The following STAU1 variants were observed in gnomAD, a reference collection of about 807,000 sequenced individuals.
The protein encoded by STAU1 is staufen double-stranded RNA binding protein 1.
Under a neutral mutation model 62.9 loss-of-function variants are expected in STAU1, and 13 were observed. That is an observed-to-expected ratio of 0.21 (90% CI 0.13 to 0.33). The LOEUF is 0.33. STAU1 is among the 10% of genes least tolerant of loss of function. The probability of loss-of-function intolerance (pLI) is 1.00; values close to 1 mark genes in which losing one functional copy is unlikely to be tolerated. For missense variants in STAU1, 571 were observed against 712.1 expected (o/e 0.80, Z 2.25); for synonymous variants, 269 against 265.1 (o/e 1.01, Z -0.14).
chr20:49,211,846 C>T, the STAU1 span, among the ~76,000 whole-genome samples: 14 of 152,120 alleles, frequency 9.2e-5, no homozygotes, highest in African/African-American at 3.1e-4. Flanking sequence ...ATGGCATGTG[C>T]CAGAGTACCT....
chr20:49,211,170 A>C, the STAU1 span, among the ~76,000 whole-genome samples: 7 of 152,202 alleles, frequency 4.6e-5, 1 homozygote, highest in Non-Finnish European at 1.0e-4. Context: ...TTTATAACTG[A>C]ATAATATGCC....
the STAU1 span, among the ~76,000 whole-genome samples, chr20:49,214,149 T>G: frequency 6.6e-6 from 1 of 151,950 alleles, no homozygotes; most frequent in Non-Finnish European, 1.5e-5. Context: ...GAGGCAGAGG[T>G]TGCAATGAGC....
At chr20:49,159,812 T>C (rs1338197015) in intron 3 of STAU1, among the ~76,000 whole-genome samples, 4 of 152,226 alleles carry the variant, frequency 2.6e-5, no homozygotes, top group Admixed American at 2.0e-4. Context: ...TCTGTCGGCC[T>C]TGGCCTTCCA....
At chr20:49,192,351 A>C (rs2093832409), upstream of STAU1, among the ~76,000 whole-genome samples, 1 of 151,682 alleles carries the variant, frequency 6.6e-6, no homozygotes, top group Non-Finnish European at 1.5e-5. Flanking sequence ...ATCTCAAAAA[A>C]AAAAAAAAAA....
At chr20:49,205,453 C>T in the STAU1 span, among the ~76,000 whole-genome samples, 7 of 150,988 alleles carry the variant, frequency 4.6e-5, no homozygotes, top group Non-Finnish European at 8.8e-5. Flanking sequence ...GCAACCTCCG[C>T]CTCCCGGGTT....
At chr20:49,195,264 G>A in the STAU1 span, among the ~76,000 whole-genome samples, 1 of 152,194 alleles carries the variant, frequency 6.6e-6, no homozygotes, top group East Asian at 1.9e-4. Context: ...CAGGCTGGGC[G>A]CTGTGGCTCA....
intron 5 of STAU1, among the ~76,000 whole-genome samples, chr20:49,136,384 C>A (rs2092883747): frequency 6.6e-6 from 1 of 152,212 alleles, no homozygotes; most frequent in Non-Finnish European, 1.5e-5. Flanking sequence ...AATTTAACCA[C>A]ACACATACCA....
Position 49,166,171 on chromosome 20 carries a change from G to T in STAU1, c.31C>A (p.Pro11Thr). The T allele has an allele frequency of 6.2e-7, 1 of 1,614,090 alleles. No individual in the cohort carries two copies. The highest frequency in any genetic ancestry group is 8.5e-7 in the Non-Finnish European group (1 of 1,180,018). The stretch of plus-strand genomic sequence containing the variant: ...TGGCTCCCTGAGAGAGCAGCAGATG[G>T]GTTCTGAACTTGCACTTGAACTTGA... MSQVQVQVQNPSAALSGSQIL... is the reference protein window; with the variant it reads MSQVQVQVQNTSAALSGSQIL... Residue 11 changes from proline to threonine, a missense_variant, in exon 3 of 14, where the codon CCA becomes ACA. Physicochemically the swap from Pro to Thr is conservative, Grantham distance 38. Around this residue, in one of 3 missense-constraint regions of STAU1, gnomAD observed 414 missense variants for 499.6 expected, o/e 0.83. Transcript: ENST00000371856.
At chr20:49,170,244 G>A (rs756489847) in intron 2 of STAU1, among the ~76,000 whole-genome samples, 11 of 152,182 alleles carry the variant, frequency 7.2e-5, no homozygotes, top group South Asian at 2.1e-4. Flanking sequence ...ATCTGCAATC[G>A]TGCTTAGTCT....
At chr20:49,156,257 C>T (rs1045885034) in intron 3 of STAU1, among the ~76,000 whole-genome samples, 47 of 152,062 alleles carry the variant, frequency 3.1e-4, no homozygotes, top group African/African-American at 1.0e-3. Context: ...CATTAAACTT[C>T]GGAAATCTTT....
chr20:49,129,279 A>AT (rs1337866356), intron 6 of STAU1, among the ~76,000 whole-genome samples: 24,472 of 98,374 alleles, frequency 0.25, 3,503 homozygotes, highest in Non-Finnish European at 0.32. Flanking sequence ...TTTAAAAAAA[A>AT]ATTTTTTTTT....
intron 6 of STAU1, among the ~76,000 whole-genome samples, chr20:49,132,487 G>A (rs552926065): frequency 1.6e-4 from 25 of 152,274 alleles, no homozygotes; most frequent in African/African-American, 4.6e-4. Context: ...GGCTGGGCAC[G>A]GTGGCTCATG....
chr20:49,124,477 A>C lies in STAU1; in HGVS notation c.720T>G (p.Asn240Lys), dbSNP rs1600627228. The change falls in exon 7 of 14, where the codon AAT (asparagine) becomes AAG (lysine). Residue 240 changes from asparagine (N) to lysine (K), a missense_variant. Asn to Lys is a moderately conservative substitution (Grantham distance 94). This residue lies in a region of STAU1 where 414 missense variants were observed against 499.6 expected (regional missense o/e 0.83). Coordinates refer to ENST00000371856, the MANE Select transcript of STAU1 (RefSeq NM_017453.4). ...EGKSKKISKK[N>K]AAIAVLEELK... The stretch of plus-strand genomic sequence containing the variant: ...GCTCCTCAAGAACAGCTATGGCGGC[A>C]TTTTTCTTTGAAATCTTCTTGCTTT... The C allele has an allele frequency of 6.2e-7, 1 of 1,614,052 alleles. No homozygotes were observed. The highest frequency in any genetic ancestry group is 8.5e-7 in the Non-Finnish European group (1 of 1,180,010).
chr20:49,204,592 T>TTATA, the STAU1 span, among the ~76,000 whole-genome samples: 1,467 of 45,620 alleles, frequency 0.032, 50 homozygotes, highest in African/African-American at 0.058. Flanking sequence ...GGATTTTACA[T>TTATA]TATATATATA....
intron 5 of STAU1, among the ~76,000 whole-genome samples, chr20:49,136,785 C>T (rs994966317): frequency 1.3e-5 from 2 of 152,104 alleles, no homozygotes; most frequent in Non-Finnish European, 2.9e-5. Flanking sequence ...GCTACCTCCA[C>T]CTCCCAGGTT....
chr20:49,216,844 G>A, the STAU1 span, among the ~76,000 whole-genome samples: 1 of 152,160 alleles, frequency 6.6e-6, no homozygotes, highest in Non-Finnish European at 1.5e-5. Flanking sequence ...GATCTCAGAA[G>A]ACTTGCTCAT....
chr20:49,141,149 C>A (rs187452890), intron 5 of STAU1, among the ~76,000 whole-genome samples: 69 of 152,228 alleles, frequency 4.5e-4, no homozygotes, highest in Middle Eastern at 3.4e-3. Context: ...TTGTATCAGC[C>A]CAATTAGGTT....
the STAU1 span, among the ~76,000 whole-genome samples, chr20:49,212,627 T>TTTTTTTTTTTTTGGGA: frequency 6.8e-6 from 1 of 148,104 alleles, no homozygotes. Flanking sequence ...TTTTTTTTTT[T>TTTTTTTTTTTTTGGGA]AGGCAGAGTT....
At chr20:49,120,767 G>A (rs1418307008) in intron 8 of STAU1, among the ~76,000 whole-genome samples, 2 of 152,154 alleles carry the variant, frequency 1.3e-5, no homozygotes, top group Non-Finnish European at 2.9e-5. Flanking sequence ...AATGAGTGAT[G>A]TTACATGTCT....
Sources: gnomAD v4.1 joint callset for allele counts (sites outside exome capture counted in the v4.1 genomes callset) on GRCh38, gnomAD v4.1.1 for gene constraint, gnomAD v4.1.1 regional missense constraint, MANE v1.5 for transcripts, NCBI Gene and HGNC (gene_info 2026-07-23, HGNC 2026-07-21) for gene names.